POM121: variants seen among roughly 807,000 people sequenced by gnomAD.
The protein encoded by POM121 is POM121 transmembrane nucleoporin.
In POM121, 32 loss-of-function variants were observed where a neutral mutation model predicts 81.3. That is an observed-to-expected ratio of 0.39 (90% CI 0.30 to 0.53). POM121 has a LOEUF of 0.53. Among genes scored for constraint, POM121 ranks in the 20% least tolerant of loss-of-function variants. POM121 has a pLI of 0.66. For synonymous variants in POM121, 514 were observed against 694.2 expected (o/e 0.74, Z 4.08); for missense variants, 1,138 against 1,614.6 (o/e 0.70, Z 5.06).
At position 72,925,885 on chromosome 7, in the gene POM121, C is replaced by G. The variant is rs376402529; in HGVS notation, c.644+120C>G. 57 of 1,180,068 alleles carry G rather than the reference C, an allele frequency of 4.8e-5. No individual in the cohort carries two copies. In the East Asian group the frequency reaches 5.0e-4, roughly 10 times the overall value. The allele number at this position is 1,180,068 out of a possible 1,614,324, so 73.1% of individuals were successfully genotyped here. A position where few individuals can be genotyped will look rare whatever the true frequency, so the allele number is the denominator to read the frequency against. ...CCCAAGGGGATTGTGTGTGGTTTTG[C>G]CCTCCTTAACACCTTGGTGTGTGCC... On this transcript the variant is annotated intron_variant, in intron 1 of 12. Transcript: ENST00000434423.
intron 10 of POM121, among the ~76,000 whole-genome samples, chr7:72,941,371 C>T (rs1376446966): frequency 6.5e-4 from 98 of 150,546 alleles, no homozygotes; most frequent in Middle Eastern, 3.4e-3. Flanking sequence ...TCCAGCACTT[C>T]GAGGGCTGCT....
Position 72,925,359 on chromosome 7 carries a change from T to A in POM121, c.238T>A (p.Ser80Thr), listed in dbSNP as rs1795289981. Residue 80 changes from serine (S) to threonine (T), a missense_variant, in exon 1 of 13, where the codon TCC becomes ACC. By Grantham distance (58) the Ser-to-Thr change is moderately conservative. Coordinates refer to ENST00000434423, the MANE Select transcript of POM121 (RefSeq NM_001387691.1). ...CGAGCCCCGAGGTTCGCGCCCCTTG[T>A]CCTCCTTCGTTCGGAAGGCGCGTCA... ...SREPRGSRPL[S>T]SFVRKARHRR... is the part of the protein sequence containing the mutation. The A allele has an allele frequency of 5.9e-6, 9 of 1,523,014 alleles. 1 individual carries two copies. The South Asian group carries it at 8.4e-5, about 14-fold the overall frequency. 94.3% of individuals were successfully genotyped at this position (1,523,014 alleles called of 1,614,324 possible).
chr7:72,883,406 G>A (rs71554660), intron 1 of POM121, among the ~76,000 whole-genome samples: 2 of 152,084 alleles, frequency 1.3e-5, no homozygotes, highest in South Asian at 4.1e-4. Flanking sequence ...CTTTCACTTT[G>A]GCCTCCCAAA....
upstream of POM121, among the ~76,000 whole-genome samples, chr7:72,922,059 G>C (rs570809564): frequency 2.4e-4 from 37 of 152,016 alleles, no homozygotes; most frequent in Non-Finnish European, 5.0e-4. Flanking sequence ...ACCAAGACTT[G>C]ATCTTGTTAA....
chr7:72,915,820 C>G (rs1377754639), intron 4 of POM121, among the ~76,000 whole-genome samples: 17 of 152,038 alleles, frequency 1.1e-4, no homozygotes, highest in Admixed American at 9.8e-4. Flanking sequence ...TTATAGGCGC[C>G]CACCACCATG....
Position 72,926,345 on chromosome 7 carries a change from G to A in POM121, c.728G>A (p.Gly243Glu), listed in dbSNP as rs1795442053. The change falls in exon 2 of 13, where the codon GGG (glycine) becomes GAG (glutamate). Residue 243 changes from glycine to glutamate, a missense_variant. Physicochemically the swap from Gly to Glu is moderately conservative, Grantham distance 98. This residue lies in a region of POM121 where 646 missense variants were observed against 633.5 expected (regional missense o/e 1.02). Coordinates refer to ENST00000434423, the MANE Select transcript of POM121 (RefSeq NM_001387691.1). ...PIHQAQYSCL[G>E]VLPTVCWNGY... ...CATCAGGCCCAGTATTCCTGTCTGG[G>A]GGTACTTCCCACCGTGTGCTGGAAT... The A allele has an allele frequency of 6.2e-7, 1 of 1,613,068 alleles. No individual in the cohort carries two copies. The highest frequency in any genetic ancestry group is 1.3e-5 in the African/African-American group (1 of 74,860).
intron 3 of POM121, 52 bp from the exon 4 acceptor site, chr7:72,928,333 A>G: frequency 6.2e-7 from 1 of 1,604,940 alleles, no homozygotes; most frequent in South Asian, 1.1e-5. Flanking sequence ...TACACTTTAA[A>G]GGGACAAAAA....
chr7:72,914,666 G>A (rs1199675998), intron 4 of POM121, among the ~76,000 whole-genome samples: 1 of 152,080 alleles, frequency 6.6e-6, no homozygotes, highest in Non-Finnish European at 1.5e-5. Flanking sequence ...GAGCCACCAT[G>A]CCTGGCCTGA....
intron 1 of POM121, among the ~76,000 whole-genome samples, chr7:72,887,525 T>G (rs1554490241): frequency 6.6e-6 from 1 of 152,166 alleles, no homozygotes. Context: ...ATCAGTGCCT[T>G]GGAAACCACT....
At chr7:72,904,969 C>T (rs1250447326) in intron 3 of POM121, among the ~76,000 whole-genome samples, 5 of 152,180 alleles carry the variant, frequency 3.3e-5, no homozygotes, top group Non-Finnish European at 5.9e-5. Context: ...GAACCGCGCC[C>T]GTGATCCAAT....
At chr7:72,945,328 A>G (rs1216163054) in intron 11 of POM121, among the ~76,000 whole-genome samples, 3 of 151,960 alleles carry the variant, frequency 2.0e-5, no homozygotes, top group African/African-American at 7.2e-5. Context: ...CAGGAGGCCC[A>G]CGAGGTGGCT....
At chr7:72,899,695 C>T (rs1457865859) in intron 3 of POM121, among the ~76,000 whole-genome samples, 1 of 151,614 alleles carries the variant, frequency 6.6e-6, no homozygotes, top group Non-Finnish European at 1.5e-5. Flanking sequence ...TCTCCTGCCT[C>T]AGCCTCCCAA....
chr7:72,892,306 A>G lies in POM121; in HGVS notation c.-216+1196A>G, dbSNP rs564778153. 2.6e-5 allele frequency among the ~76,000 whole-genome samples: 4 copies of G among 152,352 alleles called. No individual in the cohort carries two copies. The East Asian group carries it at 7.7e-4, about 29-fold the overall frequency. The stretch of plus-strand genomic sequence containing the variant: ...TGAATATTTTACTTGACAATATAGC[A>G]GTACCAGTGAGATAGTTCACTTCCT... On this transcript the variant is annotated intron_variant, in intron 3 of 15. Coordinates refer to the POM121 transcript ENST00000395270.
chr7:72,894,343 C>G (rs1235506518), intron 3 of POM121, among the ~76,000 whole-genome samples: 1 of 151,968 alleles, frequency 6.6e-6, no homozygotes, highest in Non-Finnish European at 1.5e-5. Context: ...TTTGGGAGAC[C>G]AAGGTGGGTG....
At chr7:72,948,836 G>A (rs367970134), downstream of POM121, 23 of 1,551,018 alleles carry the variant, frequency 1.5e-5, no homozygotes, top group Non-Finnish European at 1.8e-5. Flanking sequence ...CCAATGCTGG[G>A]TAAGAGAGCA....
chr7:72,896,179 G>A (rs1211925352), intron 3 of POM121, among the ~76,000 whole-genome samples: 3 of 151,576 alleles, frequency 2.0e-5, no homozygotes, highest in Non-Finnish European at 2.9e-5. Context: ...ATGAGTTCCA[G>A]TTTAAAAATA....
rs782402289 is a variant in POM121 at position 72,943,225 on chromosome 7, C to G, written c.3232C>G (p.Gln1078Glu). Residue 1078 changes from glutamine to glutamate, a missense_variant, in exon 11 of 13, where the codon CAG becomes GAG. Gln to Glu is a conservative substitution (Grantham distance 29). Coordinates refer to ENST00000434423, the MANE Select transcript of POM121 (RefSeq NM_001387691.1). Reference sequence around the variant, plus strand: ...CAGCTCCGGCTTTGGAGCCACCACCCAGACCGCCAGCAGCGGGAGCAGCAG... The same window carrying G: ...CAGCTCCGGCTTTGGAGCCACCACCGAGACCGCCAGCAGCGGGAGCAGCAG... ...ATSSGFGATT[Q>E]TASSGSSSSV... 2 of 1,612,812 alleles carry G rather than the reference C, an allele frequency of 1.2e-6. No individual in the cohort carries two copies. Among genetic ancestry groups the G allele is most frequent in the South Asian group, 1.1e-5 (1 of 91,042 alleles).
intron 1 of POM121, among the ~76,000 whole-genome samples, chr7:72,881,531 G>T (rs549127757): frequency 2.3e-4 from 35 of 151,502 alleles, no homozygotes; most frequent in Middle Eastern, 3.4e-3. Flanking sequence ...TCCAAGAGCA[G>T]CAGAAAATGA....
chr7:72,912,598 A>C (rs1793909497), intron 3 of POM121, among the ~76,000 whole-genome samples: 2 of 152,076 alleles, frequency 1.3e-5, no homozygotes, highest in Non-Finnish European at 2.9e-5. Flanking sequence ...AACATGGTGA[A>C]ACCCCGTATC....
Sources: allele counts gnomAD v4.1 joint callset (sites outside exome capture counted in the v4.1 genomes callset), GRCh38; gene constraint gnomAD v4.1.1; regional missense constraint gnomAD v4.1.1; transcripts MANE v1.5; gene names NCBI Gene and HGNC (gene_info 2026-07-23, HGNC 2026-07-21).